NCS1: variants seen among roughly 807,000 people sequenced by gnomAD.
The protein encoded by NCS1 is frequenin homolog.
A neutral mutation model predicts 28.4 loss-of-function variants in NCS1; 6 were observed. That is an observed-to-expected ratio of 0.21 (90% CI 0.12 to 0.42). The LOEUF is 0.42. Ranked by LOEUF, NCS1 falls within the 10% of genes least tolerant of loss-of-function variation. The pLI is 1.00. For synonymous variants in NCS1, 86 were observed against 99.3 expected (o/e 0.87, Z 0.79); for missense variants, 131 against 241.4 (o/e 0.54, Z 3.03).
intron 1 of NCS1, among the ~76,000 whole-genome samples, chr9:130,189,879 A>AAAAAAAAAAAAAAAT (rs1554906056): frequency 2.6e-5 from 1 of 37,748 alleles, no homozygotes; most frequent in African/African-American, 1.2e-4. Flanking sequence ...AAAAAAAAAA[A>AAAAAAAAAAAAAAAT]ATATATATAT....
chr9:130,221,411 TATAG>T (rs1489377573), intron 4 of NCS1, among the ~76,000 whole-genome samples: 8 of 51,974 alleles, frequency 1.5e-4, no homozygotes, highest in East Asian at 5.7e-4. Flanking sequence ...TATATATATA[TATAG>T]AGAGAGAGAG....
chr9:130,196,789 C>T (rs537543083), intron 1 of NCS1, among the ~76,000 whole-genome samples: 35 of 152,238 alleles, frequency 2.3e-4, no homozygotes, highest in Non-Finnish European at 3.7e-4. Context: ...CTGTTACCAC[C>T]CCCACCTCAT....
At chr9:130,213,299 AC>A (rs1326329785) in intron 2 of NCS1, among the ~76,000 whole-genome samples, 1 of 151,892 alleles carries the variant, frequency 6.6e-6, no homozygotes, top group Non-Finnish European at 1.5e-5. Flanking sequence ...TTCTTTTGAG[AC>A]GGAGTCTCGC....
At chr9:130,178,280 C>T (rs1276702002) in intron 1 of NCS1, among the ~76,000 whole-genome samples, 4 of 152,212 alleles carry the variant, frequency 2.6e-5, no homozygotes, top group Admixed American at 6.5e-5. Context: ...GAAGGGGCAG[C>T]TGGTGAATGG....
chr9:130,183,255 G>T (rs1408786035), intron 1 of NCS1, among the ~76,000 whole-genome samples: 2 of 152,142 alleles, frequency 1.3e-5, no homozygotes, highest in African/African-American at 4.8e-5. Flanking sequence ...TCCACTCTCT[G>T]TGAGATGCGA....
At chr9:130,223,004 G>A in intron 5 of NCS1, 78 bp from the exon 6 acceptor site, 1 of 1,274,100 alleles carries the variant, frequency 7.8e-7, no homozygotes, top group South Asian at 1.2e-5. Flanking sequence ...AAACTGCCAG[G>A]TCTGGGGGGC....
At chr9:130,214,978 C>T (rs782036647) in intron 2 of NCS1, among the ~76,000 whole-genome samples, 9 of 152,246 alleles carry the variant, frequency 5.9e-5, no homozygotes, top group Non-Finnish European at 8.8e-5. Context: ...CAGCCTCCAT[C>T]TCCTTAGAGC....
chr9:130,231,952 GT>G (rs1228791185), intron 7 of NCS1, among the ~76,000 whole-genome samples: 1 of 151,554 alleles, frequency 6.6e-6, no homozygotes, highest in South Asian at 2.1e-4. Flanking sequence ...TGTTGTTGTG[GT>G]TTTTGTTTTT....
rs951173053 is a variant in NCS1 at position 130,181,766 on chromosome 9, G to A, written c.64+9039G>A. Reference sequence around the variant, plus strand: ...GTGTTGCAGGCAGGGCGGGTGCTGCGGGGCACGTGGGCAAGTCCCGATTCA... The same window carrying A: ...GTGTTGCAGGCAGGGCGGGTGCTGCAGGGCACGTGGGCAAGTCCCGATTCA... On this transcript the variant is annotated intron_variant, in intron 1 of 7. Transcript: ENST00000372398. This position sits in a 1 kb window ranked among gnomAD's most constrained non-coding sequence, Gnocchi z 5.0. 3.3e-5 allele frequency among the ~76,000 whole-genome samples: 5 copies of A among 152,276 alleles called. No individual in the cohort carries two copies. The highest frequency in any genetic ancestry group is 5.9e-5 in the Non-Finnish European group (4 of 68,006).
chr9:130,172,956 C>T (rs534257096), intron 1 of NCS1, among the ~76,000 whole-genome samples: 145 of 151,870 alleles, frequency 9.5e-4, no homozygotes, highest in African/African-American at 3.4e-3. Context: ...CGCCGGTCGG[C>T]GTGCGCGGCG....
rs967845032 is a variant in NCS1, at chr9:130,215,584, G to A, written c.90-2248G>A. Reference sequence around the variant, plus strand: ...AGGCAGGGCGGGCTCCGAGTCTCACGCATTGCTGTGGATGAATCTCCTGAT... The same window carrying A: ...AGGCAGGGCGGGCTCCGAGTCTCACACATTGCTGTGGATGAATCTCCTGAT... On this transcript the variant is annotated intron_variant, in intron 2 of 7. Coordinates refer to ENST00000372398, the MANE Select transcript of NCS1 (RefSeq NM_014286.4). This position sits in a 1 kb window ranked among gnomAD's most constrained non-coding sequence, Gnocchi z 4.2. Among the ~76,000 whole-genome samples the A allele has an allele frequency of 1.2e-4, 19 of 152,158 alleles. No homozygotes were observed. Among genetic ancestry groups the A allele is most frequent in the African/African-American group, 3.9e-4 (16 of 41,424 alleles).
intron 2 of NCS1, among the ~76,000 whole-genome samples, chr9:130,214,703 T>C (rs1359752151): frequency 2.0e-5 from 3 of 152,170 alleles, no homozygotes; most frequent in African/African-American, 7.2e-5. Flanking sequence ...CAGAGGAGCC[T>C]GTCTGAAGTC....
chr9:130,221,877 ACAT>A (rs1833311555), intron 4 of NCS1, among the ~76,000 whole-genome samples: 7 of 498 alleles, frequency 0.014, no homozygotes, highest in Non-Finnish European at 0.028. Context: ...AAATATATAT[ACAT>A]AATACATAAA....
At chr9:130,201,132 GC>G in intron 2 of NCS1, 150 bp downstream of exon 2, 1 of 1,113,086 alleles carries the variant, frequency 9.0e-7, no homozygotes, top group Non-Finnish European at 1.4e-6. Flanking sequence ...TTGTTCAGTG[GC>G]CTTTGTCCTT....
At chr9:130,203,702 G>A (rs1832988111) in intron 2 of NCS1, among the ~76,000 whole-genome samples, 1 of 152,292 alleles carries the variant, frequency 6.6e-6, no homozygotes, top group South Asian at 2.1e-4. Context: ...GGAAGAGGAC[G>A]AGGTTTGTGT....
chr9:130,225,580 C>A (rs545117641), intron 6 of NCS1, among the ~76,000 whole-genome samples: 1 of 152,258 alleles, frequency 6.6e-6, no homozygotes, highest in Non-Finnish European at 1.5e-5. Context: ...CGTTTCCCAG[C>A]CCTGGGGCCT....
At chr9:130,176,179 TTTCTTTCTTTCTTTC>T (rs1346975461) in intron 1 of NCS1, among the ~76,000 whole-genome samples, 16,031 of 92,014 alleles carry the variant, frequency 0.17, 3,187 homozygotes, top group East Asian at 0.61. Flanking sequence ...TCTTTCTTTC[TTTCTTTCTTTCTTTC>T]TTTTTTTTTT....
At chr9:130,179,833 A>C (rs782653712) in intron 1 of NCS1, among the ~76,000 whole-genome samples, 6 of 152,240 alleles carry the variant, frequency 3.9e-5, no homozygotes, top group Middle Eastern at 3.4e-3. Flanking sequence ...CAATGCCCTC[A>C]TTTTACAAGT....
rs551013478 is a variant in NCS1 at position 130,177,884 on chromosome 9, C to T, written c.64+5157C>T. Among the ~76,000 whole-genome samples the T allele has an allele frequency of 2.8e-3, 426 of 152,318 alleles. 1 individual carries two copies. Among genetic ancestry groups the T allele is most frequent in the Admixed American group, 4.6e-3 (71 of 15,304 alleles). On this transcript the variant is annotated intron_variant, in intron 1 of 7. Coordinates refer to ENST00000372398, the MANE Select transcript of NCS1 (RefSeq NM_014286.4). This position sits in a 1 kb window ranked among gnomAD's most constrained non-coding sequence, Gnocchi z 4.4. ...GGGGCGAGTTCTGCGGTTCTGGCCCCTTCCTTGGGCAAACCTCCTCTCACC... is the reference window on the plus strand; with the variant it reads ...GGGGCGAGTTCTGCGGTTCTGGCCCTTTCCTTGGGCAAACCTCCTCTCACC...
Sources: allele counts gnomAD v4.1 joint callset (sites outside exome capture counted in the v4.1 genomes callset), GRCh38; gene constraint gnomAD v4.1.1; non-coding constraint Gnocchi (gnomAD v3.1); transcripts MANE v1.5; gene names NCBI Gene and HGNC (gene_info 2026-07-23, HGNC 2026-07-21).